The following PAPPA2 variants were observed in gnomAD, a reference collection of about 807,000 sequenced individuals.
PAPPA2 encodes the protein pappalysin-2.
A neutral mutation model predicts 176.4 loss-of-function variants in PAPPA2; 86 were observed. That is an observed-to-expected ratio of 0.49 (90% CI 0.41 to 0.58). PAPPA2 has a LOEUF of 0.58. PAPPA2 is among the 20% of genes least tolerant of loss of function. The pLI, the probability that PAPPA2 is intolerant of heterozygous loss-of-function variation, is 0.00. For missense variants in PAPPA2, 2,073 were observed against 2,256.9 expected, an observed-to-expected ratio of 0.92 and a Z score of 1.65; for synonymous variants, 809 against 852.2, an observed-to-expected ratio of 0.95 and a Z score of 0.88.
intron 3 of PAPPA2, among the ~76,000 whole-genome samples, chr1:176,666,475 G>A (rs1317387093): frequency 2.0e-5 from 3 of 152,060 alleles, no homozygotes; most frequent in Non-Finnish European, 4.4e-5. Context: ...AGAAAAATGA[G>A]AGGGTGTTAG....
intron 1 of PAPPA2, among the ~76,000 whole-genome samples, chr1:176,514,058 T>A (rs1329164752): frequency 1.3e-5 from 2 of 152,244 alleles, no homozygotes; most frequent in Non-Finnish European, 2.9e-5. Flanking sequence ...ACTCCCTGTG[T>A]TTGTCTGTTT....
At chr1:176,523,346 T>G (rs1315084667) in intron 1 of PAPPA2, among the ~76,000 whole-genome samples, 1 of 152,184 alleles carries the variant, frequency 6.6e-6, no homozygotes, top group Non-Finnish European at 1.5e-5. Flanking sequence ...GTAGCTAAAT[T>G]TCCCCTAATT....
chr1:176,675,973 G>A (rs1325542682), intron 4 of PAPPA2, among the ~76,000 whole-genome samples: 3 of 151,980 alleles, frequency 2.0e-5, no homozygotes, highest in African/African-American at 2.4e-5. Context: ...ATAAATCTAT[G>A]AAACAATGTT....
chr1:176,565,120 T>G (rs1410768672), intron 2 of PAPPA2, among the ~76,000 whole-genome samples: 1 of 152,200 alleles, frequency 6.6e-6, no homozygotes, highest in Non-Finnish European at 1.5e-5. Flanking sequence ...TTCATTCCTT[T>G]TTATTGTTAA....
chr1:176,583,167 T>G (rs564441544), intron 2 of PAPPA2, among the ~76,000 whole-genome samples: 3 of 152,160 alleles, frequency 2.0e-5, no homozygotes, highest in South Asian at 4.1e-4. Flanking sequence ...ATTTTGTATA[T>G]CTTTTCAGAA....
intron 1 of PAPPA2, among the ~76,000 whole-genome samples, 192 bp from the exon 2 acceptor site, chr1:176,555,215 G>A (rs1292124444): frequency 6.6e-6 from 1 of 152,128 alleles, no homozygotes; most frequent in African/African-American, 2.4e-5. Flanking sequence ...AGTAGGTGGA[G>A]TGATGCATTG....
intron 3 of PAPPA2, among the ~76,000 whole-genome samples, chr1:176,647,934 AG>A (rs1410501010): frequency 6.6e-6 from 1 of 151,350 alleles, no homozygotes; most frequent in East Asian, 1.9e-4. Flanking sequence ...GGGTCTTTTG[AG>A]GTTCCATATA....
intron 21 of PAPPA2, among the ~76,000 whole-genome samples, chr1:176,837,699 G>A (rs553961673): frequency 6.6e-6 from 1 of 152,116 alleles, no homozygotes; most frequent in Non-Finnish European, 1.5e-5. Context: ...GAGAAACCAA[G>A]CCCAGTACCT....
At chr1:176,825,724 T>C (rs1405434485) in intron 21 of PAPPA2, among the ~76,000 whole-genome samples, 2 of 152,244 alleles carry the variant, frequency 1.3e-5, no homozygotes, top group Non-Finnish European at 2.9e-5. Context: ...TTTTGTTTGC[T>C]TTGAAACCAT....
chr1:176,714,307 G>A (rs1661273868), intron 12 of PAPPA2, among the ~76,000 whole-genome samples: 1 of 151,968 alleles, frequency 6.6e-6, no homozygotes, highest in African/African-American at 2.4e-5. Flanking sequence ...GTTTAAGCCA[G>A]GATCAGAGGC....
chr1:176,821,320 A>G (rs989673932), intron 21 of PAPPA2, among the ~76,000 whole-genome samples: 2 of 152,210 alleles, frequency 1.3e-5, no homozygotes, highest in Admixed American at 1.3e-4. Context: ...CAAATAACTT[A>G]TCCTAATTCC....
intron 1 of PAPPA2, among the ~76,000 whole-genome samples, chr1:176,549,290 C>G (rs1433582453): frequency 6.6e-6 from 1 of 152,158 alleles, no homozygotes; most frequent in Non-Finnish European, 1.5e-5. Context: ...GGCTTTCTTT[C>G]AGGACCAAAA....
chr1:176,766,579 A>G (rs1225847729), intron 15 of PAPPA2, among the ~76,000 whole-genome samples: 1 of 152,244 alleles, frequency 6.6e-6, no homozygotes, highest in Non-Finnish European at 1.5e-5. Flanking sequence ...TTGAGTTATT[A>G]TGATGGCTGG....
chr1:176,558,748 C>G (rs1481063815), intron 2 of PAPPA2, among the ~76,000 whole-genome samples: 6 of 152,182 alleles, frequency 3.9e-5, no homozygotes, highest in Admixed American at 3.9e-4. Context: ...GCTGCTTAAT[C>G]TTGCTTCCTA....
intron 3 of PAPPA2, among the ~76,000 whole-genome samples, chr1:176,619,279 T>C (rs1394366396): frequency 6.6e-6 from 1 of 152,200 alleles, no homozygotes; most frequent in African/African-American, 2.4e-5. Flanking sequence ...AGTAAATCAG[T>C]AGCCAATCAA....
chr1:176,503,907 T>C (rs532070314), intron 1 of PAPPA2, among the ~76,000 whole-genome samples: 2 of 152,300 alleles, frequency 1.3e-5, no homozygotes, highest in South Asian at 4.1e-4. Context: ...GTTTTATTTC[T>C]TCTACAAGTG....
intron 1 of PAPPA2, among the ~76,000 whole-genome samples, chr1:176,515,554 A>G (rs1474054147): frequency 1.3e-5 from 2 of 152,210 alleles, no homozygotes; most frequent in African/African-American, 2.4e-5. Flanking sequence ...TTCTCAGACC[A>G]GTGACTCATC....
chr1:176,736,634 TTAAAAA>T (rs1662428773), intron 12 of PAPPA2, among the ~76,000 whole-genome samples: 1 of 149,300 alleles, frequency 6.7e-6, no homozygotes, highest in Admixed American at 6.7e-5. Context: ...AAAGAGCAAC[TTAAAAA>T]TAAATATATT....
intron 1 of PAPPA2, among the ~76,000 whole-genome samples, chr1:176,543,018 C>T (rs1650442236): frequency 6.6e-6 from 1 of 152,198 alleles, no homozygotes; most frequent in Non-Finnish European, 1.5e-5. Flanking sequence ...GCCACAACTT[C>T]CTGGACTGTG....
Sources: gnomAD v4.1 joint callset for allele counts (sites outside exome capture counted in the v4.1 genomes callset) on GRCh38, gnomAD v4.1.1 for gene constraint, MANE v1.5 for transcripts, NCBI Gene and HGNC (gene_info 2026-07-23, HGNC 2026-07-21) for gene names.